The following PRTFDC1 variants were observed in gnomAD, a reference collection of about 807,000 sequenced individuals.
PRTFDC1 encodes the protein phosphoribosyltransferase domain-containing protein 1.
PRTFDC1 carries 38 observed loss-of-function variants against 34.6 expected under a neutral mutation model. The ratio of observed to expected loss-of-function variants is 1.10; its 90% confidence interval spans 0.85 to 1.44. The LOEUF (loss-of-function observed/expected upper bound fraction) is 1.44, where lower values mean the gene tolerates loss of function less well. PRTFDC1 is among the 40% of genes most tolerant of loss of function. The probability of loss-of-function intolerance (pLI) is 0.00; values close to 1 mark genes in which losing one functional copy is unlikely to be tolerated. For synonymous variants in PRTFDC1, 93 were observed against 98.1 expected, an observed-to-expected ratio of 0.95 and a Z score of 0.31; for missense variants, 270 against 283.0, an observed-to-expected ratio of 0.95 and a Z score of 0.33.
At chr10:24,853,321 A>G (rs1429961579) in intron 7 of PRTFDC1, among the ~76,000 whole-genome samples, 3 of 150,766 alleles carry the variant, frequency 2.0e-5, no homozygotes, top group Non-Finnish European at 4.4e-5. Context: ...CTCAAAAAGA[A>G]AAAAAAAAGG....
chr10:24,856,617 A>C (rs1214520742), intron 6 of PRTFDC1, among the ~76,000 whole-genome samples: 1 of 152,216 alleles, frequency 6.6e-6, no homozygotes. Context: ...AAGAACAAAA[A>C]AAATGAAGGG....
chr10:24,882,816 G>C (rs557302270), intron 3 of PRTFDC1, among the ~76,000 whole-genome samples: 185 of 150,564 alleles, frequency 1.2e-3, no homozygotes, highest in Non-Finnish European at 1.9e-3. Context: ...TCCTCAAAAT[G>C]TTAAAAAAAC....
At chr10:24,873,155 C>T (rs757611511) in intron 3 of PRTFDC1, among the ~76,000 whole-genome samples, 44 of 152,004 alleles carry the variant, frequency 2.9e-4, no homozygotes, top group Non-Finnish European at 5.9e-4. Context: ...ACTTTTCATT[C>T]AAATCCTGTT....
chr10:24,946,068 A>G (rs1849247289), intron 1 of PRTFDC1, among the ~76,000 whole-genome samples: 2 of 152,134 alleles, frequency 1.3e-5, no homozygotes. Context: ...CACATGTACT[A>G]TCTACCCCAC....
chr10:24,887,858 C>A (rs1027875485), intron 3 of PRTFDC1, among the ~76,000 whole-genome samples: 1 of 152,160 alleles, frequency 6.6e-6, no homozygotes, highest in Non-Finnish European at 1.5e-5. Flanking sequence ...CTGGTTACTT[C>A]CTTGTTATAT....
intron 3 of PRTFDC1, among the ~76,000 whole-genome samples, chr10:24,887,071 C>T (rs186070602): frequency 0.022 from 3,242 of 147,902 alleles, 85 homozygotes; most frequent in East Asian, 0.12. Context: ...CCCGGGTTCA[C>T]GCCATTCTCC....
chr10:24,920,379 G>A (rs1188700619), intron 3 of PRTFDC1, among the ~76,000 whole-genome samples: 1 of 152,056 alleles, frequency 6.6e-6, no homozygotes, highest in East Asian at 1.9e-4. Context: ...CATGTCCTTT[G>A]CAGGAACATA....
At chr10:24,883,375 C>G (rs55634859) in intron 3 of PRTFDC1, among the ~76,000 whole-genome samples, 1 of 151,704 alleles carries the variant, frequency 6.6e-6, no homozygotes, top group Admixed American at 6.6e-5. Flanking sequence ...CAGAGAAAGG[C>G]GCTTTTCTTT....
chr10:24,892,656 C>T (rs1308419083), intron 3 of PRTFDC1, among the ~76,000 whole-genome samples: 1 of 151,982 alleles, frequency 6.6e-6, no homozygotes, highest in East Asian at 1.9e-4. Flanking sequence ...ATTTCTCAAG[C>T]ACTCCTAACT....
chr10:24,930,460 G>A (rs7910241), intron 3 of PRTFDC1, among the ~76,000 whole-genome samples: 26,916 of 152,156 alleles, frequency 0.18, 3,421 homozygotes, highest in African/African-American at 0.36. Context: ...GTCTATTTAT[G>A]GATATTGTCA....
chr10:24,930,908 C>T (rs149939209), intron 3 of PRTFDC1, among the ~76,000 whole-genome samples: 33 of 151,982 alleles, frequency 2.2e-4, no homozygotes, highest in East Asian at 1.2e-3. Flanking sequence ...TAGAGAAATA[C>T]GCAAGGAAAA....
rs1001148809 is a variant in PRTFDC1, at chr10:24,942,329, C to G, written c.155+1G>C. On this transcript the variant is annotated splice_donor_variant, in intron 2 of 8. Transcript: ENST00000320152. LOFTEE classifies it high-confidence loss of function. ...AGATTGACACAGGAAATCACACTCA[C>G]CTGTCCACAATGATACCATGAGGGA... 1.2e-6 allele frequency: 2 copies of G among 1,605,268 alleles called. No homozygotes were observed. The highest frequency in any genetic ancestry group is 1.7e-6 in the Non-Finnish European group (2 of 1,171,924).
intron 3 of PRTFDC1, among the ~76,000 whole-genome samples, chr10:24,898,144 G>A (rs960055674): frequency 2.0e-5 from 3 of 151,954 alleles, no homozygotes; most frequent in African/African-American, 4.8e-5. Flanking sequence ...AAACAGAAAG[G>A]TGACTGATGG....
chr10:24,912,740 A>G lies in PRTFDC1; in HGVS notation c.339+24444T>C, dbSNP rs149365496. On this transcript the variant is annotated intron_variant, in intron 3 of 8. Transcript: ENST00000320152. ...CTCATTCTCTTTTACCTCATATCCAATCCTCGTGGCTGTAGCTTAAAATGT... is the reference window on the plus strand; with the variant it reads ...CTCATTCTCTTTTACCTCATATCCAGTCCTCGTGGCTGTAGCTTAAAATGT... Among the ~76,000 whole-genome samples, 225 of 152,072 alleles carry G rather than the reference A, an allele frequency of 1.5e-3. 2 individuals carry two copies. Among genetic ancestry groups the G allele is most frequent in the African/African-American group, 4.3e-3 (179 of 41,498 alleles).
At chr10:24,873,807 A>G (rs1847917221) in intron 3 of PRTFDC1, among the ~76,000 whole-genome samples, 2 of 152,120 alleles carry the variant, frequency 1.3e-5, no homozygotes, top group Non-Finnish European at 2.9e-5. Flanking sequence ...AAGGGAAAAA[A>G]CAGCCAAACC....
intron 3 of PRTFDC1, among the ~76,000 whole-genome samples, chr10:24,886,750 T>G (rs1321066568): frequency 7.2e-5 from 11 of 152,110 alleles, no homozygotes; most frequent in Non-Finnish European, 1.3e-4. Context: ...TAACTGGGAT[T>G]GCAGGTGCGT....
At chr10:24,908,764 T>C in intron 3 of PRTFDC1, 1 of 1,471,228 alleles carries the variant, frequency 6.8e-7, no homozygotes, top group Non-Finnish European at 9.0e-7. Flanking sequence ...TGATCAACCC[T>C]AGCGATCAAT....
At chr10:24,888,800 G>A (rs1203158095) in intron 3 of PRTFDC1, among the ~76,000 whole-genome samples, 2 of 152,130 alleles carry the variant, frequency 1.3e-5, no homozygotes, top group African/African-American at 2.4e-5. Context: ...CATCAATAAT[G>A]TGGTGGTATC....
At chr10:24,945,000 T>G (rs1038391204) in intron 1 of PRTFDC1, among the ~76,000 whole-genome samples, 2 of 152,138 alleles carry the variant, frequency 1.3e-5, no homozygotes, top group African/African-American at 4.8e-5. Context: ...ATCACACCCC[T>G]GCCTCCTGAG....
Sources: allele counts gnomAD v4.1 joint callset (sites outside exome capture counted in the v4.1 genomes callset), GRCh38; gene constraint gnomAD v4.1.1; transcripts MANE v1.5; gene names NCBI Gene and HGNC (gene_info 2026-07-23, HGNC 2026-07-21).